The following TMEM132D variants were observed in gnomAD, a reference collection of about 807,000 sequenced individuals.
TMEM132D encodes the protein mature OL transmembrane protein.
Under a neutral mutation model 62.3 loss-of-function variants are expected in TMEM132D, and 21 were observed. The ratio of observed to expected loss-of-function variants is 0.34; its 90% CI spans 0.24 to 0.49. The LOEUF (loss-of-function observed/expected upper bound fraction) is 0.49. Among genes scored for constraint, TMEM132D ranks in the 20% least tolerant of loss-of-function variants. The pLI is 0.99. For missense variants in TMEM132D, 1,346 were observed against 1,402.8 expected, an observed-to-expected ratio of 0.96 and a Z score of 0.65; for synonymous variants, 621 against 575.6, an observed-to-expected ratio of 1.08 and a Z score of -1.13.
chr12:129,274,688 C>T (rs1374664243), intron 4 of TMEM132D, among the ~76,000 whole-genome samples: 1 of 152,012 alleles, frequency 6.6e-6, no homozygotes, highest in Non-Finnish European at 1.5e-5. Flanking sequence ...AGATCGAGAC[C>T]ATCCTGGCTA....
chr12:129,655,646 C>G (rs1161421745), intron 2 of TMEM132D, among the ~76,000 whole-genome samples: 1 of 151,932 alleles, frequency 6.6e-6, no homozygotes, highest in Non-Finnish European at 1.5e-5. Context: ...AGAGGTGACT[C>G]CACAAAACCA....
intron 3 of TMEM132D, among the ~76,000 whole-genome samples, chr12:129,359,507 C>T (rs144013620): frequency 1.3e-3 from 193 of 152,214 alleles, no homozygotes; most frequent in African/African-American, 4.3e-3. Flanking sequence ...TGTTTATGCG[C>T]AGTTCCTGAA....
chr12:129,207,531 G>A (rs754997027), intron 5 of TMEM132D, among the ~76,000 whole-genome samples: 47 of 152,228 alleles, frequency 3.1e-4, no homozygotes, highest in Admixed American at 1.4e-3. Flanking sequence ...AAGATGAGGC[G>A]AGGGAGCCGT....
chr12:129,099,610 G>A (rs924776230), intron 5 of TMEM132D, among the ~76,000 whole-genome samples: 1 of 152,194 alleles, frequency 6.6e-6, no homozygotes, highest in African/African-American at 2.4e-5. Context: ...ACGGGTGGCC[G>A]TGTTGAACAT....
At chr12:129,428,174 CT>C (rs1247251848) in intron 3 of TMEM132D, among the ~76,000 whole-genome samples, 3 of 152,148 alleles carry the variant, frequency 2.0e-5, no homozygotes, top group African/African-American at 7.2e-5. Flanking sequence ...GAAATCTGTT[CT>C]TTCTTACAAA....
At chr12:129,729,814 A>G (rs1869164014) in intron 1 of TMEM132D, among the ~76,000 whole-genome samples, 1 of 152,210 alleles carries the variant, frequency 6.6e-6, no homozygotes, top group African/African-American at 2.4e-5. Context: ...AATCGCCAGA[A>G]CCTGATGCTT....
At chr12:129,866,698 G>A (rs193272381) in intron 1 of TMEM132D, among the ~76,000 whole-genome samples, 114 of 152,126 alleles carry the variant, frequency 7.5e-4, no homozygotes, top group African/African-American at 2.4e-3. Flanking sequence ...AAGCCATTAC[G>A]GCAAACAGTA....
intron 4 of TMEM132D, among the ~76,000 whole-genome samples, chr12:129,280,591 T>C (rs907692572): frequency 1.8e-4 from 27 of 152,294 alleles, no homozygotes; most frequent in African/African-American, 5.5e-4. Context: ...TCAGGAACTA[T>C]ATTATTAGCT....
At chr12:129,655,011 G>A (rs12320729) in intron 2 of TMEM132D, among the ~76,000 whole-genome samples, 3,926 of 148,862 alleles carry the variant, frequency 0.026, 170 homozygotes, top group African/African-American at 0.091. Flanking sequence ...GCAGTGGCAC[G>A]ATCTCAGCTC....
At chr12:129,651,774 G>T (rs1288421434) in intron 2 of TMEM132D, among the ~76,000 whole-genome samples, 16 of 152,276 alleles carry the variant, frequency 1.1e-4, no homozygotes, top group Non-Finnish European at 1.5e-5. Context: ...GCATCTTTGA[G>T]GAGTCATGCA....
intron 4 of TMEM132D, among the ~76,000 whole-genome samples, chr12:129,304,846 T>G (rs934971696): frequency 1.3e-5 from 2 of 151,974 alleles, no homozygotes. Context: ...GTGTTTTTAG[T>G]AGAGACAGGG....
intron 2 of TMEM132D, among the ~76,000 whole-genome samples, chr12:129,669,166 T>C (rs1231802809): frequency 6.6e-6 from 1 of 152,232 alleles, no homozygotes. Flanking sequence ...TGCTACATTT[T>C]ATGTAAATAA....
chr12:129,121,280 G>T (rs1254495359), intron 5 of TMEM132D, among the ~76,000 whole-genome samples: 1 of 152,014 alleles, frequency 6.6e-6, no homozygotes, highest in Non-Finnish European at 1.5e-5. Context: ...ATTTTTAGTA[G>T]AGACAGGGTT....
At chr12:129,307,521 A>C (rs3912817) in intron 4 of TMEM132D, among the ~76,000 whole-genome samples, 29,559 of 152,000 alleles carry the variant, frequency 0.19, 3,500 homozygotes, top group East Asian at 0.4. Flanking sequence ...TCCAAAACAA[A>C]ATGCTTGATT....
chr12:129,779,709 C>A lies in TMEM132D; in HGVS notation c.80-79011G>T, dbSNP rs1871060854. ...GTCAGGCCCCACCCATTTTTAGACA[C>A]AGCTCTTGTTCTGGCGAGTCTCATT... On this transcript the variant is annotated intron_variant, in intron 1 of 8. Transcript: ENST00000422113. This position sits in a 1 kb window ranked among gnomAD's most constrained non-coding sequence, Gnocchi z 4.1. Among the ~76,000 whole-genome samples, 1 of 152,140 alleles carries A rather than the reference C, an allele frequency of 6.6e-6. No homozygotes were observed.
chr12:129,159,441 T>C (rs1326138287), intron 5 of TMEM132D, among the ~76,000 whole-genome samples: 1 of 151,930 alleles, frequency 6.6e-6, no homozygotes, highest in Non-Finnish European at 1.5e-5. Context: ...CGAAGAGAGA[T>C]AAATGACATA....
intron 1 of TMEM132D, among the ~76,000 whole-genome samples, chr12:129,846,138 C>T (rs1332533149): frequency 6.6e-6 from 1 of 152,172 alleles, no homozygotes; most frequent in African/African-American, 2.4e-5. Flanking sequence ...CCAAGCCCCA[C>T]TTCTGGAGTC....
At chr12:129,649,644 C>A (rs1322097142) in intron 2 of TMEM132D, among the ~76,000 whole-genome samples, 3 of 151,740 alleles carry the variant, frequency 2.0e-5, no homozygotes, top group Admixed American at 2.0e-4. Flanking sequence ...GAAATATATT[C>A]ATATATATGT....
chr12:129,615,040 C>A (rs1306806724), intron 2 of TMEM132D, among the ~76,000 whole-genome samples: 1 of 152,116 alleles, frequency 6.6e-6, no homozygotes, highest in Non-Finnish European at 1.5e-5. Context: ...ACAATAAGCT[C>A]CCCTGACATA....
Sources: gnomAD v4.1 joint callset for allele counts (sites outside exome capture counted in the v4.1 genomes callset) on GRCh38, gnomAD v4.1.1 for gene constraint, Gnocchi (gnomAD v3.1) non-coding constraint, MANE v1.5 for transcripts, NCBI Gene and HGNC (gene_info 2026-07-23, HGNC 2026-07-21) for gene names.